Variants in ARHGAP23 observed in about 807,000 individuals in gnomAD.
ARHGAP23 encodes the protein Rho GTPase activating protein 23.
Under a neutral mutation model 136.3 loss-of-function variants are expected in ARHGAP23, and 34 were observed. The observed-to-expected ratio is 0.25, with a 90% CI of 0.19 to 0.33. The LOEUF is 0.33. Ranked by LOEUF, ARHGAP23 falls within the 10% of genes least tolerant of loss-of-function variation. ARHGAP23 has a pLI of 1.00. For missense variants in ARHGAP23, 1,808 were observed against 2,139.0 expected (o/e 0.85, Z 3.05); for synonymous variants, 832 against 920.5 (o/e 0.90, Z 1.74).
chr17:38,458,271 CG>C lies in ARHGAP23; in HGVS notation c.225+10del. On this transcript the variant is annotated intron_variant, in intron 2 of 23. Transcript: ENST00000622683. ...GTGCACTGCAGCCTGAAGGTATGCC[CG>C]GCTCGCCGCTGCCCTGGTCTGGGGA... 6.6e-7 allele frequency: 1 copy of C among 1,508,104 alleles called. No homozygotes were observed. The highest frequency in any genetic ancestry group is 8.8e-7 in the Non-Finnish European group (1 of 1,130,648). 93.4% of individuals were successfully genotyped at this position (1,508,104 alleles called of 1,614,324 possible). A position where few individuals can be genotyped will look rare whatever the true frequency, so the allele number is the denominator to read the frequency against.
rs186928092 is a variant in ARHGAP23, at chr17:38,498,819, G to T, written c.3415+309G>T. On this transcript the variant is annotated intron_variant, in intron 22 of 23. Transcript: ENST00000622683. Reference sequence around the variant, plus strand: ...GGGCTGGCTGTGTCCTTCTGGGCATGTTCCTCTTTTTAATTTTTCTTCCTT... The same window carrying T: ...GGGCTGGCTGTGTCCTTCTGGGCATTTTCCTCTTTTTAATTTTTCTTCCTT... 1.4e-3 allele frequency: 979 copies of T among 684,068 alleles called. 3 individuals are homozygous for T. Among genetic ancestry groups the T allele is most frequent in the Non-Finnish European group, 1.7e-3 (646 of 376,908 alleles). 42.4% of individuals were successfully genotyped at this position (684,068 alleles called of 1,614,324 possible). A position where few individuals can be genotyped will look rare whatever the true frequency, so the allele number is the denominator to read the frequency against.
In ARHGAP23 at chr17:38,509,635, C is replaced by T. The variant is rs187764933; in HGVS notation, c.3448-309C>T. Among the ~76,000 whole-genome samples the T allele has an allele frequency of 1.8e-3, 267 of 152,274 alleles. No individual in the cohort carries two copies. In the Middle Eastern group the frequency reaches 0.027, roughly 16 times the overall value. On this transcript the variant is annotated intron_variant, in intron 23 of 23. Transcript: ENST00000622683. ...TTATTCACTGTGGAGAGATTGTCAT[C>T]ACCAGAGCCGTGTCTAAAGGATTTA...
At chr17:38,479,959 G>C in intron 14 of ARHGAP23, 76 bp downstream of exon 14, 1 of 1,521,986 alleles carries the variant, frequency 6.6e-7, no homozygotes, top group Non-Finnish European at 8.9e-7. Context: ...GCGTGTGTGT[G>C]TTGGGCTGTG....
chr17:38,440,839 C>T (rs2038904805), intron 1 of ARHGAP23, among the ~76,000 whole-genome samples: 1 of 152,172 alleles, frequency 6.6e-6, no homozygotes. Context: ...TTTCCAGGTG[C>T]CCAGCTGTCT....
intron 23 of ARHGAP23, among the ~76,000 whole-genome samples, chr17:38,508,463 C>T (rs1380520823): frequency 6.6e-6 from 1 of 152,118 alleles, no homozygotes; most frequent in Non-Finnish European, 1.5e-5. Context: ...ATGAAGAGCC[C>T]CATGTGCTGA....
chr17:38,482,198 A>G (rs1451789464), intron 15 of ARHGAP23, 55 bp downstream of exon 15: 2 of 1,535,300 alleles, frequency 1.3e-6, no homozygotes, highest in Non-Finnish European at 1.7e-6. Context: ...CGAGGCACAG[A>G]GGGTCAGAGC....
At position 38,466,481 on chromosome 17, in the gene ARHGAP23, G is replaced by A. The variant is rs1018309600; in HGVS notation, c.798G>A (p.Thr266=). 1.5e-5 allele frequency: 22 copies of A among 1,513,596 alleles called. No individual in the cohort carries two copies. The highest frequency in any genetic ancestry group is 9.9e-5 in the East Asian group (4 of 40,558). The allele number at this position is 1,513,596 out of a possible 1,614,324, so 93.8% of individuals were successfully genotyped here. The stretch of plus-strand genomic sequence containing the variant: ...CCCACCTCTCCTCGGAGCCCCGGAC[G>A]CCCCGTGCCTTCCCAGAGCCTGGCA... ...AFPHLSSEPR[T]PRAFPEPGSR... The change falls in exon 7 of 24, where the codon ACG becomes ACA. Residue 266 remains threonine (T), a synonymous_variant. Coordinates refer to ENST00000622683, the MANE Select transcript of ARHGAP23 (RefSeq NM_001199417.2).
intron 1 of ARHGAP23, among the ~76,000 whole-genome samples, chr17:38,446,322 G>A (rs958145201): frequency 6.6e-6 from 1 of 151,498 alleles, no homozygotes; most frequent in Non-Finnish European, 1.5e-5. Flanking sequence ...ACCCCGCCTG[G>A]CCTTCACTTA....
chr17:38,467,258 A>C lies in ARHGAP23; in HGVS notation c.1575A>C (p.Arg525=), dbSNP rs2039632671. ...CCCCAGAGCCAGAGGCCAGTGGGCG[A>C]GGGGAACGCCTGGGCAGGAAGGTGG... ...DESPEPEASG[R]GERLGRKVAP... Residue 525 remains arginine, a synonymous_variant, in exon 7 of 24, where the codon CGA becomes CGC. Coordinates refer to ENST00000622683, the MANE Select transcript of ARHGAP23 (RefSeq NM_001199417.2). 6.5e-7 allele frequency: 1 copy of C among 1,549,262 alleles called. No homozygotes were observed. Among genetic ancestry groups the C allele is most frequent in the African/African-American group, 1.4e-5 (1 of 72,990 alleles).
At chr17:38,489,471 C>T (rs1211936967) in intron 17 of ARHGAP23, among the ~76,000 whole-genome samples, 5 of 150,344 alleles carry the variant, frequency 3.3e-5, no homozygotes, top group African/African-American at 1.2e-4. Context: ...TCCATATGGC[C>T]CGCTTCCCCC....
intron 21 of ARHGAP23, among the ~76,000 whole-genome samples, 195 bp downstream of exon 21, chr17:38,498,021 C>T (rs1296141921): frequency 6.6e-6 from 1 of 152,144 alleles, no homozygotes; most frequent in Non-Finnish European, 1.5e-5. Flanking sequence ...AGCTTGCCTT[C>T]AGGAATCCCC....
At chr17:38,431,252 C>T (rs967451276) in intron 1 of ARHGAP23, among the ~76,000 whole-genome samples, 1 of 152,212 alleles carries the variant, frequency 6.6e-6, no homozygotes, top group African/African-American at 2.4e-5. Context: ...TATTTCTTTA[C>T]TCCTCCAATC....
At chr17:38,497,855 T>C in intron 21 of ARHGAP23, 29 bp downstream of exon 21, 2 of 1,550,594 alleles carry the variant, frequency 1.3e-6, no homozygotes, top group Non-Finnish European at 1.7e-6. Context: ...TGGGCTGGCA[T>C]GGGGGCTGGT....
chr17:38,497,821 G>A lies in ARHGAP23; in HGVS notation c.3313G>A (p.Glu1105Lys), dbSNP rs1206251606. The A allele has an allele frequency of 1.9e-6, 3 of 1,551,236 alleles. No homozygotes were observed. The highest frequency in any genetic ancestry group is 2.6e-6 in the Non-Finnish European group (3 of 1,146,878). The part of the protein sequence containing the change: ...WFFSDEEDKG[E>K]RTPVGDKEPQ... The stretch of plus-strand genomic sequence containing the variant: ...CTTCAGTGACGAAGAGGACAAGGGA[G>A]AGAGAGTAAGTGATGCCGCGGGCTG... Residue 1105 changes from glutamate to lysine, a missense_variant, in exon 21 of 24, where the codon GAG becomes AAG. Glu to Lys is a moderately conservative substitution (Grantham distance 56, BLOSUM62 1). Around this residue, in one of 7 missense-constraint regions of ARHGAP23, gnomAD observed 104 missense variants for 131.8 expected, o/e 0.79. Coordinates refer to ENST00000622683, the MANE Select transcript of ARHGAP23 (RefSeq NM_001199417.2).
intron 11 of ARHGAP23, among the ~76,000 whole-genome samples, chr17:38,473,120 T>G (rs1328597352): frequency 6.6e-6 from 1 of 150,814 alleles, no homozygotes; most frequent in East Asian, 1.9e-4. Context: ...TTTTTTTTTT[T>G]TTTGTATTTT....
chr17:38,431,367 G>C (rs1489743122), intron 1 of ARHGAP23, among the ~76,000 whole-genome samples: 1 of 152,158 alleles, frequency 6.6e-6, no homozygotes, highest in East Asian at 1.9e-4. Flanking sequence ...GGCTGCAGGG[G>C]TTCAAAGGTA....
chr17:38,446,575 G>A (rs1460710232), intron 1 of ARHGAP23, among the ~76,000 whole-genome samples: 1 of 151,084 alleles, frequency 6.6e-6, no homozygotes, highest in African/African-American at 2.4e-5. Context: ...ACCCAGAAGT[G>A]GAATTACTGG....
chr17:38,433,160 A>G (rs967302435), intron 1 of ARHGAP23, among the ~76,000 whole-genome samples: 1 of 152,090 alleles, frequency 6.6e-6, no homozygotes, highest in Non-Finnish European at 1.5e-5. Flanking sequence ...GGGTTTTGCC[A>G]TGTTGCCCAG....
intron 20 of ARHGAP23, among the ~76,000 whole-genome samples, chr17:38,496,914 C>T (rs2040404788): frequency 6.6e-6 from 1 of 151,120 alleles, no homozygotes; most frequent in Non-Finnish European, 1.5e-5. Flanking sequence ...GATTGCACCA[C>T]TGCACTCCAG....
Sources: allele counts gnomAD v4.1 joint callset (sites outside exome capture counted in the v4.1 genomes callset), GRCh38; gene constraint gnomAD v4.1.1; regional missense constraint gnomAD v4.1.1; transcripts MANE v1.5; gene names NCBI Gene and HGNC (gene_info 2026-07-23, HGNC 2026-07-21).